Variants in RP1 observed in about 807,000 individuals in gnomAD.
The protein encoded by RP1 is oxygen-regulated protein 1.
Under a neutral mutation model 14.8 loss-of-function variants are expected in RP1, and 16 were observed. That is an observed-to-expected ratio of 1.08 (90% CI 0.73 to 1.65). The LOEUF is 1.65. Ranked by LOEUF, RP1 falls within the 40% of genes most tolerant of loss-of-function variation. The probability of loss-of-function intolerance (pLI) is 0.00; values close to 1 mark genes in which losing one functional copy is unlikely to be tolerated. For missense variants in RP1, 2,631 were observed against 2,535.0 expected, an observed-to-expected ratio of 1.04 and a Z score of -0.81; for synonymous variants, 876 against 883.6, an observed-to-expected ratio of 0.99 and a Z score of 0.15.
intron 23 of RP1, chr8:54,780,941 G>A (rs1286541439): frequency 3.0e-6 from 3 of 984,938 alleles, no homozygotes; most frequent in Non-Finnish European, 3.6e-6. Flanking sequence ...TGTAAATATG[G>A]AAGATCCTGT....
At chr8:54,635,285 C>T (rs1337183668), downstream of RP1, among the ~76,000 whole-genome samples, 3 of 152,098 alleles carry the variant, frequency 2.0e-5, no homozygotes, top group Admixed American at 1.3e-4. Flanking sequence ...AATCATTTAG[C>T]TGCTTTTCAT....
At chr8:54,788,976 C>T (rs1810394865) in intron 24 of RP1, among the ~76,000 whole-genome samples, 1 of 152,200 alleles carries the variant, frequency 6.6e-6, no homozygotes, top group Admixed American at 6.5e-5. Context: ...CTCCCTCAGG[C>T]TGGCATGGCA....
At chr8:54,638,646 T>C (rs1806398406) in intron 3 of RP1, among the ~76,000 whole-genome samples, 1 of 152,146 alleles carries the variant, frequency 6.6e-6, no homozygotes, top group Non-Finnish European at 1.5e-5. Flanking sequence ...TAGGACCATC[T>C]GTTTATTCTG....
At chr8:54,817,379 A>G (rs1489033627) in intron 24 of RP1, among the ~76,000 whole-genome samples, 2 of 152,132 alleles carry the variant, frequency 1.3e-5, no homozygotes, top group African/African-American at 4.8e-5. Flanking sequence ...ACTTTGCCCA[A>G]GGCTTGGAAA....
Position 54,726,500 on chromosome 8 carries a change from T to C in RP1, c.2521+24T>C, listed in dbSNP as rs985048558. ...AAGTAAGCCACAGCTTTTGCTTTCA[T>C]ACTTTTGGTTTGTTTGCTGCATTAT... On this transcript the variant is annotated intron_variant, in intron 17 of 22. Transcript: ENST00000636932. 5 of 1,510,578 alleles carry C rather than the reference T, an allele frequency of 3.3e-6. No individual in the cohort carries two copies. In the African/African-American group the frequency reaches 5.6e-5, roughly 17 times the overall value. The allele number at this position is 1,510,578 out of a possible 1,614,324, so 93.6% of individuals were successfully genotyped here.
At chr8:54,661,626 A>T (rs374768103) in intron 6 of RP1, among the ~76,000 whole-genome samples, 1 of 152,110 alleles carries the variant, frequency 6.6e-6, no homozygotes, top group Admixed American at 6.6e-5. Flanking sequence ...ATATCAACTG[A>T]TGTGAAAATC....
At chr8:54,781,226 A>G (rs1810178120) in intron 23 of RP1, among the ~76,000 whole-genome samples, 1 of 152,196 alleles carries the variant, frequency 6.6e-6, no homozygotes, top group South Asian at 2.1e-4. Flanking sequence ...TGCATAGTCA[A>G]CGAACTTTTT....
chr8:54,815,968 A>G (rs1811124510), intron 24 of RP1, among the ~76,000 whole-genome samples: 1 of 152,208 alleles, frequency 6.6e-6, no homozygotes, highest in Non-Finnish European at 1.5e-5. Flanking sequence ...ACACTGATGT[A>G]TCCCAGTTTG....
chr8:54,739,781 T>C (rs942163992), intron 19 of RP1, among the ~76,000 whole-genome samples: 1 of 152,032 alleles, frequency 6.6e-6, no homozygotes, highest in Non-Finnish European at 1.5e-5. Flanking sequence ...ATGTGCCACA[T>C]AGGATGTTTT....
At chr8:54,587,902 C>A (rs759511698) in intron 1 of RP1, among the ~76,000 whole-genome samples, 3 of 152,176 alleles carry the variant, frequency 2.0e-5, no homozygotes, top group African/African-American at 4.8e-5. Flanking sequence ...ATTCTACTTA[C>A]AAAGCTTAAA....
intron 1 of RP1, among the ~76,000 whole-genome samples, chr8:54,610,167 C>A (rs1325275377): frequency 6.6e-6 from 1 of 152,218 alleles, no homozygotes; most frequent in Non-Finnish European, 1.5e-5. Flanking sequence ...TACTTCTCAG[C>A]ACTCCTCTTA....
At chr8:54,778,250 C>T (rs1325998072) in intron 23 of RP1, among the ~76,000 whole-genome samples, 1 of 151,568 alleles carries the variant, frequency 6.6e-6, no homozygotes, top group Non-Finnish European at 1.5e-5. Flanking sequence ...GTGCCAGGGT[C>T]CAGTATAGGC....
chr8:54,560,126 G>T (rs141780689), intron 1 of RP1, among the ~76,000 whole-genome samples: 1 of 152,118 alleles, frequency 6.6e-6, no homozygotes, highest in Non-Finnish European at 1.5e-5. Flanking sequence ...GTGGGTCTGC[G>T]TTTGAACCCA....
rs771928405 is a variant in RP1, at chr8:54,625,144, G to C, written c.1262G>C (p.Ser421Thr). ...ACAGATCAAGTGGCTGAAACTTGCA[G>C]TTCTGCTAGTTGGGAGAATGCTACT... ...QMTDQVAETC[S>T]SASWENATVD... The change falls in exon 4 of 4, where the codon AGT (serine) becomes ACT (threonine). Residue 421 changes from serine (S) to threonine (T), a missense_variant. Transcript: ENST00000220676. 8 of 1,614,174 alleles carry C rather than the reference G, an allele frequency of 5.0e-6. No individual in the cohort carries two copies. Among genetic ancestry groups the C allele is most frequent in the Non-Finnish European group, 5.9e-6 (7 of 1,180,024 alleles).
At chr8:54,754,703 A>G (rs1050721692) in intron 19 of RP1, 11 of 1,209,770 alleles carry the variant, frequency 9.1e-6, no homozygotes, top group Non-Finnish European at 1.1e-5. Context: ...TCATCAGAGT[A>G]TGCAGTACAC....
chr8:54,854,081 C>T (rs954928703), intron 26 of RP1, among the ~76,000 whole-genome samples: 1 of 152,066 alleles, frequency 6.6e-6, no homozygotes, highest in African/African-American at 2.4e-5. Context: ...GTTCTTCCTG[C>T]TGTCTAATGG....
Position 54,629,523 on chromosome 8 carries a change from G to C in RP1, c.5641G>C (p.Val1881Leu), listed in dbSNP as rs1421994703. The change falls in exon 4 of 4, where the codon GTC becomes CTC. Residue 1881 changes from valine to leucine, a missense_variant. Physicochemically the swap from Val to Leu is conservative, Grantham distance 32. Coordinates refer to ENST00000220676, the MANE Select transcript of RP1 (RefSeq NM_006269.2). ...FISAGNKVYP[V>L]SDDAIKNQPL... ...TTCTGCTGGTAACAAAGTCTACCCTGTCTCTGATGATGCTATTAAAAACCA... is the reference window on the plus strand; with the variant it reads ...TTCTGCTGGTAACAAAGTCTACCCTCTCTCTGATGATGCTATTAAAAACCA... 2 of 1,614,084 alleles carry C rather than the reference G, an allele frequency of 1.2e-6. No homozygotes were observed. The highest frequency in any genetic ancestry group is 3.3e-5 in the Admixed American group (2 of 60,022).
At chr8:54,781,696 G>C (rs1444429077) in intron 23 of RP1, among the ~76,000 whole-genome samples, 2 of 152,154 alleles carry the variant, frequency 1.3e-5, no homozygotes, top group Admixed American at 6.5e-5. Flanking sequence ...CATTCTTAGA[G>C]AAGTTAAGTG....
At chr8:54,859,430 G>C (rs1388294461) in intron 27 of RP1, among the ~76,000 whole-genome samples, 3 of 151,652 alleles carry the variant, frequency 2.0e-5, no homozygotes, top group South Asian at 4.2e-4. Flanking sequence ...TGGTGTCACT[G>C]TACAGGGTTT....
Sources: gnomAD v4.1 joint callset for allele counts (sites outside exome capture counted in the v4.1 genomes callset) on GRCh38, gnomAD v4.1.1 for gene constraint, MANE v1.5 for transcripts, NCBI Gene and HGNC (gene_info 2026-07-23, HGNC 2026-07-21) for gene names.